Variants in SUGCT observed in about 807,000 individuals in gnomAD.
The protein encoded by SUGCT is succinyl-CoA:glutarate-CoA transferase.
SUGCT carries 41 observed loss-of-function variants against 55.0 expected under a neutral mutation model. That is an observed-to-expected ratio of 0.74 (90% confidence interval 0.58 to 0.97). The LOEUF is 0.97. Among genes scored for constraint, SUGCT ranks in the 50% least tolerant of loss-of-function variants. SUGCT has a pLI of 0.00. For missense variants in SUGCT, 568 were observed against 547.8 expected, an observed-to-expected ratio of 1.04 and a Z score of -0.37; for synonymous variants, 187 against 200.4, an observed-to-expected ratio of 0.93 and a Z score of 0.56.
intron 12 of SUGCT, among the ~76,000 whole-genome samples, chr7:40,697,271 A>G (rs1003092769): frequency 6.6e-6 from 1 of 152,122 alleles, no homozygotes; most frequent in Admixed American, 6.5e-5. Flanking sequence ...TAGACTCTAG[A>G]CTCTTGACTT....
chr7:40,660,109 G>C (rs997415787), intron 12 of SUGCT, among the ~76,000 whole-genome samples: 2 of 152,156 alleles, frequency 1.3e-5, no homozygotes, highest in Non-Finnish European at 2.9e-5. Context: ...TCAGTTTATA[G>C]GTTTCTCACG....
rs1420901826 is a variant in SUGCT, at chr7:40,395,467, C to T, written c.817-53820C>T. Among the ~76,000 whole-genome samples the T allele has an allele frequency of 6.9e-5, 8 of 115,442 alleles. No individual in the cohort carries two copies. The South Asian group carries it at 2.0e-3, about 28-fold the overall frequency. The allele number at this position is 115,442 out of a possible 152,430, so 75.7% of individuals were successfully genotyped here. A position where few individuals can be genotyped will look rare whatever the true frequency, so the allele number is the denominator to read the frequency against. ...TCCTGCCATTGCACTCCAGCTTGGGCTACAAGAGAGAAACTCTGTCTCAAA... is the reference window on the plus strand; with the variant it reads ...TCCTGCCATTGCACTCCAGCTTGGGTTACAAGAGAGAAACTCTGTCTCAAA... On this transcript the variant is annotated intron_variant, in intron 9 of 13. Coordinates refer to ENST00000335693, the MANE Select transcript of SUGCT (RefSeq NM_001193313.2).
Position 40,508,398 on chromosome 7 carries a change from C to T in SUGCT, c.1089+12012C>T, listed in dbSNP as rs1792729990. ...TCTGCCTAGAATATAGCTTCTGCAG[C>T]ACAGGCTATGAGAAGTGAAAAACAC... On this transcript the variant is annotated intron_variant, in intron 12 of 13. Coordinates refer to ENST00000335693, the MANE Select transcript of SUGCT (RefSeq NM_001193313.2). Among the ~76,000 whole-genome samples, 3 of 152,190 alleles carry T rather than the reference C, an allele frequency of 2.0e-5. No homozygotes were observed. The South Asian group carries it at 6.2e-4, about 32-fold the overall frequency.
intron 11 of SUGCT, among the ~76,000 whole-genome samples, chr7:40,461,332 T>G (rs1036735982): frequency 6.6e-6 from 1 of 152,164 alleles, no homozygotes; most frequent in African/African-American, 2.4e-5. Context: ...GTTACATGAT[T>G]AGACGTAGCC....
At chr7:40,226,023 C>T (rs1332053477) in intron 6 of SUGCT, among the ~76,000 whole-genome samples, 1 of 152,130 alleles carries the variant, frequency 6.6e-6, no homozygotes, top group African/African-American at 2.4e-5. Context: ...ATTATTATAA[C>T]CCTAAATTAC....
intron 13 of SUGCT, among the ~76,000 whole-genome samples, chr7:40,836,864 T>C (rs1334439006): frequency 1.3e-5 from 2 of 152,222 alleles, no homozygotes; most frequent in African/African-American, 4.8e-5. Flanking sequence ...TACTGAAAGA[T>C]ATTTGTTTCC....
At chr7:40,464,920 A>G (rs1790019047) in intron 11 of SUGCT, among the ~76,000 whole-genome samples, 1 of 152,226 alleles carries the variant, frequency 6.6e-6, no homozygotes, top group Non-Finnish European at 1.5e-5. Flanking sequence ...GGGACATAAT[A>G]CCTTCATAAG....
intron 12 of SUGCT, among the ~76,000 whole-genome samples, chr7:40,721,052 C>CCCA (rs1786303482): frequency 6.6e-6 from 1 of 152,150 alleles, no homozygotes; most frequent in Non-Finnish European, 1.5e-5. Flanking sequence ...TTTTGATGTG[C>CCCA]CCACTCCAGT....
chr7:40,159,725 C>A (rs1231970558), intron 1 of SUGCT, among the ~76,000 whole-genome samples: 3 of 152,090 alleles, frequency 2.0e-5, no homozygotes, highest in Non-Finnish European at 4.4e-5. Context: ...GATAGGAAGG[C>A]AGGAGGTCAG....
intron 12 of SUGCT, among the ~76,000 whole-genome samples, chr7:40,505,470 A>G (rs917284145): frequency 6.6e-6 from 1 of 151,896 alleles, no homozygotes; most frequent in African/African-American, 2.4e-5. Flanking sequence ...CTAAGCTGGT[A>G]TTTTCTAGCA....
intron 13 of SUGCT, among the ~76,000 whole-genome samples, chr7:40,762,126 T>C (rs1788563187): frequency 6.6e-6 from 1 of 152,208 alleles, no homozygotes; most frequent in African/African-American, 2.4e-5. Flanking sequence ...AACACTGACG[T>C]GCAGATCAGG....
At chr7:40,646,162 C>T (rs1355013192) in intron 12 of SUGCT, among the ~76,000 whole-genome samples, 1 of 152,148 alleles carries the variant, frequency 6.6e-6, no homozygotes, top group African/African-American at 2.4e-5. Flanking sequence ...TCTTCTTCCC[C>T]ACATATAATA....
intron 7 of SUGCT, among the ~76,000 whole-genome samples, chr7:40,268,173 C>T (rs1016230039): frequency 6.6e-6 from 1 of 152,150 alleles, no homozygotes; most frequent in African/African-American, 2.4e-5. Flanking sequence ...GTATACTTCA[C>T]AGGTTTTGCA....
chr7:40,153,421 C>G, intron 1 of SUGCT: 1 of 366,516 alleles, frequency 2.7e-6, no homozygotes. Flanking sequence ...TTTGATGTTG[C>G]GATTCTTTTG....
At chr7:40,808,729 A>T (rs1345127785) in intron 13 of SUGCT, among the ~76,000 whole-genome samples, 1 of 152,216 alleles carries the variant, frequency 6.6e-6, no homozygotes, top group Non-Finnish European at 1.5e-5. Context: ...TCATTCAGAC[A>T]GATTGTTTTC....
intron 12 of SUGCT, chr7:40,499,139 C>T (rs756851980): frequency 1.8e-4 from 80 of 456,410 alleles, no homozygotes; most frequent in Middle Eastern, 3.2e-4. Context: ...TCTCCATGTG[C>T]GCTGTGCCAG....
chr7:40,270,360 A>G (rs914368077), intron 7 of SUGCT, among the ~76,000 whole-genome samples: 3 of 151,930 alleles, frequency 2.0e-5, no homozygotes, highest in African/African-American at 7.3e-5. Flanking sequence ...ATAAAGATTT[A>G]CTCCTATATT....
chr7:40,225,094 C>G (rs902502522), intron 6 of SUGCT, among the ~76,000 whole-genome samples: 1 of 152,160 alleles, frequency 6.6e-6, no homozygotes, highest in Admixed American at 6.6e-5. Context: ...GAAACAATTG[C>G]CAGACAAAAC....
At chr7:40,328,986 G>A (rs1796163191) in intron 9 of SUGCT, among the ~76,000 whole-genome samples, 1 of 152,190 alleles carries the variant, frequency 6.6e-6, no homozygotes, top group African/African-American at 2.4e-5. Context: ...TGGTGGCTCT[G>A]TGTGGAGGTC....
Sources: allele counts gnomAD v4.1 joint callset (sites outside exome capture counted in the v4.1 genomes callset), GRCh38; gene constraint gnomAD v4.1.1; transcripts MANE v1.5; gene names NCBI Gene and HGNC (gene_info 2026-07-23, HGNC 2026-07-21).